RIC8B: variants seen among roughly 807,000 people sequenced by gnomAD.
RIC8B encodes the protein chaperone Ric-8B.
A neutral mutation model predicts 57.5 loss-of-function variants in RIC8B; 16 were observed. That is an observed-to-expected ratio of 0.28 (90% CI 0.19 to 0.42). The LOEUF (loss-of-function observed/expected upper bound fraction) is 0.42, where lower values mean the gene tolerates loss of function less well. Among genes scored for constraint, RIC8B ranks in the 10% least tolerant of loss-of-function variants. RIC8B has a pLI of 1.00. For synonymous variants in RIC8B, 216 were observed against 250.8 expected (o/e 0.86, Z 1.31); for missense variants, 481 against 677.0 (o/e 0.71, Z 3.21).
At chr12:106,883,814 T>C (rs759518309) in intron 9 of RIC8B, among the ~76,000 whole-genome samples, 1 of 152,120 alleles carries the variant, frequency 6.6e-6, no homozygotes, top group Non-Finnish European at 1.5e-5. Flanking sequence ...TCAAACACTC[T>C]TTATAGGGTA....
intron 3 of RIC8B, among the ~76,000 whole-genome samples, chr12:106,819,148 A>G (rs1002268579): frequency 1.3e-5 from 2 of 152,204 alleles, no homozygotes; most frequent in Non-Finnish European, 1.5e-5. Flanking sequence ...CAGTCATTTA[A>G]TAATCTTAGT....
chr12:106,798,613 C>CA (rs991419137), intron 2 of RIC8B, among the ~76,000 whole-genome samples: 3 of 145,372 alleles, frequency 2.1e-5, no homozygotes, highest in African/African-American at 7.5e-5. Flanking sequence ...AGCCACTGTA[C>CA]TTTTTTTTTT....
At chr12:106,847,136 A>C (rs1343913923) in intron 6 of RIC8B, among the ~76,000 whole-genome samples, 1 of 152,198 alleles carries the variant, frequency 6.6e-6, no homozygotes, top group African/African-American at 2.4e-5. Flanking sequence ...TTACTGACCC[A>C]GGTTGTATTA....
At chr12:106,861,619 C>G (rs1488898029) in intron 8 of RIC8B, among the ~76,000 whole-genome samples, 1 of 152,080 alleles carries the variant, frequency 6.6e-6, no homozygotes, top group Non-Finnish European at 1.5e-5. Context: ...TTGGCTATCT[C>G]TGACAAGTAT....
chr12:106,828,718 T>C (rs1230047428), intron 4 of RIC8B, among the ~76,000 whole-genome samples: 1 of 152,232 alleles, frequency 6.6e-6, no homozygotes, highest in African/African-American at 2.4e-5. Flanking sequence ...ACTGTGCCAC[T>C]GATGTGCTAC....
chr12:106,780,939 G>T (rs1054610109), intron 1 of RIC8B, among the ~76,000 whole-genome samples: 1 of 152,160 alleles, frequency 6.6e-6, no homozygotes, highest in Non-Finnish European at 1.5e-5. Flanking sequence ...TGAATAACTT[G>T]ACCAAGTTTA....
At chr12:106,845,761 T>C (rs1366569915) in intron 6 of RIC8B, among the ~76,000 whole-genome samples, 1 of 152,186 alleles carries the variant, frequency 6.6e-6, no homozygotes, top group Non-Finnish European at 1.5e-5. Context: ...TCACTCTCTC[T>C]ATTCTTTTTA....
chr12:106,878,824 T>C (rs11113135), intron 9 of RIC8B, among the ~76,000 whole-genome samples: 6,538 of 150,178 alleles, frequency 0.044, 442 homozygotes, highest in African/African-American at 0.15. Flanking sequence ...TGCCTCATGT[T>C]CCCCCCCCCT....
intron 1 of RIC8B, chr12:106,775,203 G>GC: frequency 2.4e-6 from 1 of 415,882 alleles, no homozygotes. Flanking sequence ...GTGCTTCCCT[G>GC]CATAAACACG....
At chr12:106,884,969 T>C (rs1245355542) in intron 9 of RIC8B, among the ~76,000 whole-genome samples, 1 of 152,176 alleles carries the variant, frequency 6.6e-6, no homozygotes, top group Admixed American at 6.5e-5. Flanking sequence ...ATTTCTGTGA[T>C]AAATAAGTTT....
chr12:106,862,759 A>G (rs1487918094), intron 8 of RIC8B, among the ~76,000 whole-genome samples: 1 of 152,098 alleles, frequency 6.6e-6, no homozygotes, highest in Non-Finnish European at 1.5e-5. Context: ...CACCAAGGTA[A>G]CCTGTAATCC....
At chr12:106,803,215 C>CAAAAAAAAAAAAAAAAAAAA (rs55853235) in intron 2 of RIC8B, among the ~76,000 whole-genome samples, 1 of 84,000 alleles carries the variant, frequency 1.2e-5, no homozygotes, top group African/African-American at 4.9e-5. Context: ...TACCCTGTCT[C>CAAAAAAAAAAAAAAAAAAAA]AAAAAAAAAA....
chr12:106,846,512 C>T (rs975184822), intron 6 of RIC8B, among the ~76,000 whole-genome samples: 2 of 151,880 alleles, frequency 1.3e-5, no homozygotes, highest in African/African-American at 2.4e-5. Context: ...AGAGAAATAC[C>T]CAGAAAGCAT....
Position 106,842,596 on chromosome 12 carries a change from G to C in RIC8B, c.844G>C (p.Val282Leu). 6.2e-7 allele frequency: 1 copy of C among 1,612,530 alleles called. No individual in the cohort carries two copies. Among genetic ancestry groups the C allele is most frequent in the Non-Finnish European group, 8.5e-7 (1 of 1,179,022 alleles). ...TTTTTAATTGCTTTTCAGCAATGCA[G>C]TCAACCTTTTAAGCAATGTTCCAGT... The part of the protein sequence containing the change: ...DKTEELHSNA[V>L]NLLSNVPVSC... Residue 282 changes from valine (V) to leucine (L), a missense_variant, in exon 5 of 10, where the codon GTC becomes CTC. Around this residue, in one of 3 missense-constraint regions of RIC8B, gnomAD observed 421 missense variants for 560.9 expected, o/e 0.75. Coordinates refer to ENST00000392837, the MANE Select transcript of RIC8B (RefSeq NM_001330145.2).
chr12:106,799,463 C>T (rs1347166969), intron 2 of RIC8B, among the ~76,000 whole-genome samples: 1 of 149,870 alleles, frequency 6.7e-6, no homozygotes, highest in Non-Finnish European at 1.5e-5. Context: ...GAAATTTGCC[C>T]AAGATTACCT....
At chr12:106,882,906 G>A (rs928482674) in intron 9 of RIC8B, among the ~76,000 whole-genome samples, 7 of 151,996 alleles carry the variant, frequency 4.6e-5, no homozygotes, top group Admixed American at 2.0e-4. Context: ...ATATAGGCCC[G>A]TTGTTCCATA....
chr12:106,775,414 A>T, intron 1 of RIC8B: 1 of 455,024 alleles, frequency 2.2e-6, no homozygotes, highest in Admixed American at 2.4e-5. Flanking sequence ...AAGGTCATGG[A>T]CATATAATGT....
chr12:106,842,877 A>G (rs1949020747), intron 5 of RIC8B, 60 bp downstream of exon 5: 14 of 953,786 alleles, frequency 1.5e-5, no homozygotes, highest in Non-Finnish European at 2.1e-5. Context: ...AATGTGCCAT[A>G]CATACAGACA....
chr12:106,871,165 A>G (rs1056601048), intron 9 of RIC8B: 7 of 369,040 alleles, frequency 1.9e-5, no homozygotes, highest in African/African-American at 1.2e-4. Flanking sequence ...CAAAGCTAAG[A>G]TAGTAACTAC....
Sources: allele counts gnomAD v4.1 joint callset (sites outside exome capture counted in the v4.1 genomes callset), GRCh38; gene constraint gnomAD v4.1.1; regional missense constraint gnomAD v4.1.1; transcripts MANE v1.5; gene names NCBI Gene and HGNC (gene_info 2026-07-23, HGNC 2026-07-21).